IL1RAPL1: variants seen among roughly 807,000 people sequenced by gnomAD.
IL1RAPL1 encodes the protein interleukin 1 receptor accessory protein like 1.
IL1RAPL1 carries 3 observed loss-of-function variants against 48.4 expected under a neutral mutation model. That is an observed-to-expected ratio of 0.06 (90% CI 0.03 to 0.16). IL1RAPL1 has a LOEUF of 0.16. Among genes scored for constraint, IL1RAPL1 ranks in the 10% least tolerant of loss-of-function variants. The pLI is 1.00. For synonymous variants in IL1RAPL1, 185 were observed against 187.7 expected (o/e 0.99, Z 0.12); for missense variants, 349 against 530.6 (o/e 0.66, Z 3.36).
intron 2 of IL1RAPL1, among the ~76,000 whole-genome samples, chrX:28,927,786 A>G (rs765111920): frequency 3.5e-4 from 39 of 110,743 alleles, no homozygotes; most frequent in Non-Finnish European, 1.1e-4. Context: ...AGCCACATAA[A>G]ATCATCCTGG....
chrX:29,766,253 A>G (rs1451667452), intron 6 of IL1RAPL1, among the ~76,000 whole-genome samples: 2 of 98,579 alleles, frequency 2.0e-5, no homozygotes, highest in African/African-American at 3.8e-5. Context: ...GCTTGAACCC[A>G]GGAGGCGGAG....
Position 29,954,506 on chromosome X carries a change from T to C in IL1RAPL1, c.1202-16T>C. On this transcript the variant is annotated splice_polypyrimidine_tract_variant and intron_variant, in intron 9 of 10. Transcript: ENST00000378993. ...TAGAGTAGTGACTTCGACTTTTCTT[T>C]GGAATTTTTTGACAGACAATAAAGA... 1 of 1,198,353 alleles carries C rather than the reference T, an allele frequency of 8.3e-7. No homozygotes were observed.
At chrX:29,538,323 T>C (rs999089194) in intron 5 of IL1RAPL1, among the ~76,000 whole-genome samples, 1 of 96,787 alleles carries the variant, frequency 1.0e-5, no homozygotes, top group African/African-American at 3.9e-5. Context: ...ATCTTAAAGG[T>C]TTTTCTTTTC....
At chrX:28,965,881 T>A (rs1283696616) in intron 2 of IL1RAPL1, among the ~76,000 whole-genome samples, 1 of 111,767 alleles carries the variant, frequency 8.9e-6, no homozygotes, top group Admixed American at 9.6e-5. Context: ...TTCAGGACAA[T>A]TTATTGATTA....
chrX:29,698,488 A>G (rs1300649932), intron 6 of IL1RAPL1, among the ~76,000 whole-genome samples: 1 of 109,811 alleles, frequency 9.1e-6, no homozygotes, highest in African/African-American at 3.3e-5. Flanking sequence ...AACTTTGTGC[A>G]TGGTTTTGTG....
At chrX:29,454,811 T>C (rs1356390044) in intron 5 of IL1RAPL1, among the ~76,000 whole-genome samples, 2 of 109,860 alleles carry the variant, frequency 1.8e-5, no homozygotes, top group Non-Finnish European at 3.8e-5. Flanking sequence ...CGTTTGATTT[T>C]TTTTTTTTTC....
rs188163508 is a variant in IL1RAPL1, at chrX:28,842,331, A to G, written c.82+52906A>G. ...TGGCTATGTAAAAATAACTTCTATTACTTGTATTTTATGAACGATTCAACC... is the reference window on the plus strand; with the variant it reads ...TGGCTATGTAAAAATAACTTCTATTGCTTGTATTTTATGAACGATTCAACC... On this transcript the variant is annotated intron_variant, in intron 2 of 10. Transcript: ENST00000378993. Among the ~76,000 whole-genome samples, 6 of 111,325 alleles carry G rather than the reference A, an allele frequency of 5.4e-5. No homozygotes were observed. The East Asian group carries it at 1.7e-3, about 32-fold the overall frequency.
chrX:29,592,740 T>G (rs1010933729), intron 5 of IL1RAPL1, among the ~76,000 whole-genome samples: 8 of 108,232 alleles, frequency 7.4e-5, no homozygotes, highest in African/African-American at 2.7e-4. Flanking sequence ...TCACCCCAAC[T>G]GCCAGCATGA....
intron 2 of IL1RAPL1, among the ~76,000 whole-genome samples, chrX:28,797,953 A>T (rs1477365355): frequency 8.9e-6 from 1 of 112,065 alleles, no homozygotes; most frequent in African/African-American, 3.3e-5. Flanking sequence ...GGCAAGGAGT[A>T]TGTCACATCT....
At chrX:29,271,512 C>T (rs1932041744) in intron 2 of IL1RAPL1, among the ~76,000 whole-genome samples, 1 of 112,353 alleles carries the variant, frequency 8.9e-6, no homozygotes. Flanking sequence ...TTCTCCACAA[C>T]TTTGCCAGCA....
intron 2 of IL1RAPL1, among the ~76,000 whole-genome samples, chrX:28,956,474 G>A (rs995699704): frequency 9.1e-6 from 1 of 110,479 alleles, no homozygotes; most frequent in African/African-American, 3.3e-5. Context: ...AGCATGAAGG[G>A]TTGCTGAATT....
intron 1 of IL1RAPL1, among the ~76,000 whole-genome samples, chrX:28,653,601 C>T (rs926222597): frequency 1.7e-4 from 19 of 111,800 alleles, no homozygotes; most frequent in Non-Finnish European, 3.2e-4. Flanking sequence ...TAAAAATGGA[C>T]GTGCTCTCAC....
At chrX:29,745,431 G>GTGTTTTTTTTTTTTTT in intron 6 of IL1RAPL1, among the ~76,000 whole-genome samples, 1 of 24,740 alleles carries the variant, frequency 4.0e-5, no homozygotes, top group Non-Finnish European at 6.7e-5. Context: ...AGTTTTTTGT[G>GTGTTTTTTTTTTTTTT]TTTTTTTTTT....
chrX:29,306,540 A>G (rs1475514872), intron 3 of IL1RAPL1, among the ~76,000 whole-genome samples: 1 of 100,838 alleles, frequency 9.9e-6, no homozygotes, highest in Non-Finnish European at 2.0e-5. Flanking sequence ...GAAAAAAAAA[A>G]AAAAAAAAAA....
intron 2 of IL1RAPL1, among the ~76,000 whole-genome samples, chrX:28,806,977 A>G (rs775835185): frequency 1.8e-5 from 2 of 110,950 alleles, no homozygotes; most frequent in Admixed American, 1.9e-4. Context: ...TTTTTGTGCA[A>G]CTAGCTCTAA....
chrX:29,818,068 C>A (rs193031334), intron 6 of IL1RAPL1, among the ~76,000 whole-genome samples: 1 of 111,842 alleles, frequency 8.9e-6, no homozygotes, highest in Non-Finnish European at 1.9e-5. Flanking sequence ...ATCAGGCCCT[C>A]CATAAAAGTG....
chrX:29,637,611 C>T (rs1925015875), intron 5 of IL1RAPL1, among the ~76,000 whole-genome samples: 1 of 111,237 alleles, frequency 9.0e-6, no homozygotes, highest in South Asian at 3.8e-4. Context: ...CAAAGCTTTC[C>T]TTGATCTCTT....
intron 6 of IL1RAPL1, among the ~76,000 whole-genome samples, chrX:29,689,626 T>C (rs6628467): frequency 0.4 from 44,102 of 110,220 alleles, 6,441 homozygotes; most frequent in South Asian, 0.52. Context: ...TAAGCAGACA[T>C]TGATGAAGTA....
At chrX:28,870,701 A>G (rs975248636) in intron 2 of IL1RAPL1, among the ~76,000 whole-genome samples, 1 of 111,196 alleles carries the variant, frequency 9.0e-6, no homozygotes, top group African/African-American at 3.3e-5. Context: ...TCTGCTTGCC[A>G]GTGGGATGCA....
Sources: gnomAD v4.1 joint callset for allele counts (sites outside exome capture counted in the v4.1 genomes callset) on GRCh38, gnomAD v4.1.1 for gene constraint, MANE v1.5 for transcripts, NCBI Gene and HGNC (gene_info 2026-07-23, HGNC 2026-07-21) for gene names.